NXPH2: variants seen among roughly 807,000 people sequenced by gnomAD.
The protein encoded by NXPH2 is neurexophilin 2.
Under a neutral mutation model 19.8 loss-of-function variants are expected in NXPH2, and 5 were observed. That is an observed-to-expected ratio of 0.25 (90% CI 0.13 to 0.53). The LOEUF is 0.53. NXPH2 is among the 20% of genes least tolerant of loss of function. The pLI, the probability that NXPH2 is intolerant of heterozygous loss-of-function variation, is 0.96. For synonymous variants in NXPH2, 154 were observed against 127.4 expected (o/e 1.21, Z -1.41); for missense variants, 289 against 322.8 (o/e 0.90, Z 0.80).
intron 1 of NXPH2, among the ~76,000 whole-genome samples, chr2:138,701,477 A>C (rs1368173146): frequency 1.3e-5 from 2 of 152,170 alleles, no homozygotes; most frequent in Non-Finnish European, 2.9e-5. Context: ...ATATTTTTTG[A>C]GCACCAACTA....
intron 1 of NXPH2, among the ~76,000 whole-genome samples, chr2:138,724,748 TG>T (rs1319081961): frequency 6.6e-6 from 1 of 152,236 alleles, no homozygotes; most frequent in Non-Finnish European, 1.5e-5. Flanking sequence ...TTTGTCCAAA[TG>T]TGTGTCTGTT....
At chr2:138,733,286 G>A (rs1248636621) in intron 1 of NXPH2, among the ~76,000 whole-genome samples, 2 of 152,132 alleles carry the variant, frequency 1.3e-5, no homozygotes, top group African/African-American at 4.8e-5. Flanking sequence ...TAAACAAAAG[G>A]CCACTTTGTT....
chr2:138,761,812 G>A (rs889914738), intron 1 of NXPH2, among the ~76,000 whole-genome samples: 1 of 152,142 alleles, frequency 6.6e-6, no homozygotes, highest in Admixed American at 6.5e-5. Context: ...TTTATCTTAT[G>A]CGTCCAAAAG....
chr2:138,757,362 A>T (rs912391608), intron 1 of NXPH2, among the ~76,000 whole-genome samples: 1 of 152,186 alleles, frequency 6.6e-6, no homozygotes, highest in African/African-American at 2.4e-5. Flanking sequence ...CTGCATGAAC[A>T]TGAAGCAGCA....
intron 1 of NXPH2, among the ~76,000 whole-genome samples, chr2:138,761,991 C>T (rs1682025335): frequency 6.6e-6 from 1 of 152,108 alleles, no homozygotes; most frequent in Non-Finnish European, 1.5e-5. Context: ...ATGACTGAAA[C>T]TTAGATAAGT....
chr2:138,715,523 C>T (rs1280000010), intron 1 of NXPH2, among the ~76,000 whole-genome samples: 1 of 151,950 alleles, frequency 6.6e-6, no homozygotes, highest in Non-Finnish European at 1.5e-5. Flanking sequence ...GTAAATAAAC[C>T]AGGGTTTGTT....
intron 1 of NXPH2, among the ~76,000 whole-genome samples, chr2:138,727,519 T>C (rs1681378095): frequency 6.6e-6 from 1 of 152,190 alleles, no homozygotes; most frequent in Admixed American, 6.5e-5. Context: ...TCTTTTCATA[T>C]ACTTATTTAC....
At chr2:138,677,026 GCAGGTGCCCT>G (rs1680494610) in intron 1 of NXPH2, among the ~76,000 whole-genome samples, 1 of 152,156 alleles carries the variant, frequency 6.6e-6, no homozygotes, top group Admixed American at 6.5e-5. Flanking sequence ...AAAGTGTCTG[GCAGGTGCCCT>G]CATTCCTGAA....
intron 1 of NXPH2, among the ~76,000 whole-genome samples, chr2:138,681,636 G>A (rs956953873): frequency 1.3e-5 from 2 of 152,186 alleles, no homozygotes; most frequent in Non-Finnish European, 2.9e-5. Context: ...CCAAATGTGT[G>A]GATTTGCAGC....
intron 1 of NXPH2, among the ~76,000 whole-genome samples, chr2:138,673,579 T>C (rs1680442592): frequency 6.6e-6 from 1 of 152,098 alleles, no homozygotes; most frequent in Non-Finnish European, 1.5e-5. Flanking sequence ...AACTATAGTA[T>C]AGTCACCCTA....
intron 1 of NXPH2, among the ~76,000 whole-genome samples, chr2:138,744,599 TCTA>T (rs1344361087): frequency 6.6e-6 from 1 of 152,180 alleles, no homozygotes; most frequent in Non-Finnish European, 1.5e-5. Context: ...TGCTATTTAA[TCTA>T]CTATCTTCCC....
chr2:138,750,507 T>A (rs967737884), intron 1 of NXPH2, among the ~76,000 whole-genome samples: 1 of 152,172 alleles, frequency 6.6e-6, no homozygotes, highest in African/African-American at 2.4e-5. Flanking sequence ...TCATCAGAAG[T>A]AGAGCTGTAA....
intron 1 of NXPH2, among the ~76,000 whole-genome samples, chr2:138,695,760 T>C (rs1220228058): frequency 6.6e-6 from 1 of 151,932 alleles, no homozygotes; most frequent in African/African-American, 2.4e-5. Context: ...AAAATCAAAA[T>C]GGGAACATAG....
chr2:138,775,805 A>G (rs1390288132), intron 1 of NXPH2, among the ~76,000 whole-genome samples: 1 of 152,124 alleles, frequency 6.6e-6, no homozygotes, highest in Non-Finnish European at 1.5e-5. Context: ...CATTTGGACC[A>G]ATTTTTTAAA....
At chr2:138,750,903 G>A (rs1000551491) in intron 1 of NXPH2, among the ~76,000 whole-genome samples, 4 of 152,060 alleles carry the variant, frequency 2.6e-5, no homozygotes, top group South Asian at 2.1e-4. Context: ...GATCTTGTTC[G>A]GATGTTTCCA....
At chr2:138,677,796 G>A (rs10164612) in intron 1 of NXPH2, among the ~76,000 whole-genome samples, 110,157 of 152,056 alleles carry the variant, frequency 0.72, 40,555 homozygotes, top group African/African-American at 0.82. Flanking sequence ...AACTGTATTC[G>A]CTATATATTT....
At chr2:138,706,188 C>T (rs543288806) in intron 1 of NXPH2, among the ~76,000 whole-genome samples, 3 of 152,244 alleles carry the variant, frequency 2.0e-5, no homozygotes, top group Admixed American at 2.0e-4. Context: ...TTTCTCTGTG[C>T]CTGTTATCTC....
At chr2:138,753,756 T>C (rs998550932) in intron 1 of NXPH2, among the ~76,000 whole-genome samples, 1 of 152,118 alleles carries the variant, frequency 6.6e-6, no homozygotes, top group Non-Finnish European at 1.5e-5. Context: ...GAGTGAGAAA[T>C]CCAGCTCCCA....
chr2:138,752,104 G>A (rs1681836991), intron 1 of NXPH2, among the ~76,000 whole-genome samples: 2 of 152,166 alleles, frequency 1.3e-5, no homozygotes, highest in Admixed American at 1.3e-4. Flanking sequence ...AAGGCCTCCT[G>A]TATCTAACAA....
Sources: gnomAD v4.1 joint callset for allele counts (sites outside exome capture counted in the v4.1 genomes callset) on GRCh38, gnomAD v4.1.1 for gene constraint, MANE v1.5 for transcripts, NCBI Gene and HGNC (gene_info 2026-07-23, HGNC 2026-07-21) for gene names.